Variants in CAMKMT observed in about 807,000 individuals in gnomAD.
CAMKMT encodes calmodulin-lysine N-methyltransferase, also known as CaM KMT.
A neutral mutation model predicts 48.0 loss-of-function variants in CAMKMT; 53 were observed. That is an observed-to-expected ratio of 1.10 (90% confidence interval 0.89 to 1.39). The LOEUF is 1.39. Among genes scored for constraint, CAMKMT ranks in the 40% most tolerant of loss-of-function variants. The pLI is 0.00. For missense variants in CAMKMT, 428 were observed against 402.7 expected, an observed-to-expected ratio of 1.06 and a Z score of -0.54; for synonymous variants, 165 against 152.3, an observed-to-expected ratio of 1.08 and a Z score of -0.61.
At chr2:44,471,728 A>G (rs1432702745) in intron 3 of CAMKMT, among the ~76,000 whole-genome samples, 1 of 152,006 alleles carries the variant, frequency 6.6e-6, no homozygotes, top group African/African-American at 2.4e-5. Flanking sequence ...GATGTAAAGT[A>G]TGGAGTCTCA....
chr2:44,508,524 C>T (rs1253268391), intron 3 of CAMKMT, among the ~76,000 whole-genome samples: 3 of 152,148 alleles, frequency 2.0e-5, no homozygotes, highest in African/African-American at 7.2e-5. Context: ...AGGTTGTGAA[C>T]ATCCTACAAG....
At chr2:44,474,339 C>T (rs573328857) in intron 3 of CAMKMT, among the ~76,000 whole-genome samples, 17 of 150,238 alleles carry the variant, frequency 1.1e-4, no homozygotes, top group African/African-American at 3.9e-4. Flanking sequence ...ACCAGCTACT[C>T]GGGAGGCTGA....
At chr2:44,692,645 C>T (rs996884107) in intron 3 of CAMKMT, among the ~76,000 whole-genome samples, 11 of 152,026 alleles carry the variant, frequency 7.2e-5, no homozygotes, top group African/African-American at 1.9e-4. Flanking sequence ...GTTTAAATAC[C>T]TTGCCCAAGA....
chr2:44,655,694 G>A (rs923039959), intron 3 of CAMKMT, among the ~76,000 whole-genome samples: 10 of 152,186 alleles, frequency 6.6e-5, no homozygotes, highest in South Asian at 2.1e-4. Flanking sequence ...AGTTTTGCAC[G>A]CGATAGGATG....
chr2:44,601,909 T>C (rs1041729186), intron 3 of CAMKMT, among the ~76,000 whole-genome samples: 2 of 152,110 alleles, frequency 1.3e-5, no homozygotes, highest in East Asian at 1.9e-4. Flanking sequence ...TGTCCTTTGA[T>C]TGTTTTTTCT....
At chr2:44,452,735 T>C (rs13400258) in intron 3 of CAMKMT, among the ~76,000 whole-genome samples, 4,339 of 152,098 alleles carry the variant, frequency 0.029, 200 homozygotes, top group African/African-American at 0.099. Flanking sequence ...GTAGCCTCTC[T>C]TTATTAATGA....
At chr2:44,501,744 A>T (rs934354706) in intron 3 of CAMKMT, among the ~76,000 whole-genome samples, 1 of 152,120 alleles carries the variant, frequency 6.6e-6, no homozygotes, top group African/African-American at 2.4e-5. Context: ...GGAGCTGGGC[A>T]TGGTGGCTCG....
At chr2:44,450,544 A>G (rs1297802192) in intron 3 of CAMKMT, among the ~76,000 whole-genome samples, 1 of 152,166 alleles carries the variant, frequency 6.6e-6, no homozygotes, top group African/African-American at 2.4e-5. Flanking sequence ...GATTAAGAGA[A>G]TCTTGTATAC....
At chr2:44,469,732 C>T (rs1159588583) in intron 3 of CAMKMT, among the ~76,000 whole-genome samples, 2 of 152,048 alleles carry the variant, frequency 1.3e-5, no homozygotes, top group Non-Finnish European at 2.9e-5. Context: ...CGCTTATCAT[C>T]ACCATGCATC....
chr2:44,634,000 C>G (rs1036785480), intron 3 of CAMKMT, among the ~76,000 whole-genome samples: 2 of 151,938 alleles, frequency 1.3e-5, no homozygotes, highest in Non-Finnish European at 2.9e-5. Context: ...TAGTTTAACC[C>G]TACTATTAAA....
At chr2:44,491,363 G>A (rs1417868674) in intron 3 of CAMKMT, among the ~76,000 whole-genome samples, 1 of 152,034 alleles carries the variant, frequency 6.6e-6, no homozygotes, top group Non-Finnish European at 1.5e-5. Flanking sequence ...ATTATCATAT[G>A]TGCCTAAAAT....
intron 3 of CAMKMT, among the ~76,000 whole-genome samples, chr2:44,468,322 A>G (rs1668236770): frequency 6.6e-6 from 1 of 152,230 alleles, no homozygotes; most frequent in Non-Finnish European, 1.5e-5. Context: ...CTCCAGGTAC[A>G]ATGGCTGTCA....
At chr2:44,555,624 C>A (rs748728074) in intron 3 of CAMKMT, among the ~76,000 whole-genome samples, 1 of 151,886 alleles carries the variant, frequency 6.6e-6, no homozygotes. Context: ...GGGTTGAAGC[C>A]GTGAGAGTGG....
intron 3 of CAMKMT, among the ~76,000 whole-genome samples, chr2:44,681,328 G>A (rs1327407702): frequency 6.6e-6 from 1 of 152,142 alleles, no homozygotes; most frequent in South Asian, 2.1e-4. Context: ...TTGTATGTGG[G>A]TTGTTCAGCT....
At chr2:44,473,909 C>G (rs1367277617) in intron 3 of CAMKMT, among the ~76,000 whole-genome samples, 1 of 152,172 alleles carries the variant, frequency 6.6e-6, no homozygotes, top group African/African-American at 2.4e-5. Context: ...AATCCGTAAA[C>G]TGGGACCAGT....
intron 3 of CAMKMT, among the ~76,000 whole-genome samples, chr2:44,633,208 G>C (rs1249398394): frequency 3.9e-5 from 6 of 152,084 alleles, no homozygotes; most frequent in Non-Finnish European, 7.3e-5. Context: ...TTATAAAAAA[G>C]AGAACTTTAT....
chr2:44,469,359 T>C (rs1337845449), intron 3 of CAMKMT, among the ~76,000 whole-genome samples: 1 of 151,964 alleles, frequency 6.6e-6, no homozygotes, highest in Non-Finnish European at 1.5e-5. Flanking sequence ...GATTTTTTTT[T>C]TGTTATAAAT....
At chr2:44,535,699 T>C (rs1259165502) in intron 3 of CAMKMT, among the ~76,000 whole-genome samples, 2 of 152,138 alleles carry the variant, frequency 1.3e-5, no homozygotes, top group African/African-American at 4.8e-5. Context: ...CCATTCATAA[T>C]AAAAACTCTC....
At chr2:44,610,150 G>C (rs1373612484) in intron 3 of CAMKMT, among the ~76,000 whole-genome samples, 1 of 152,144 alleles carries the variant, frequency 6.6e-6, no homozygotes, top group African/African-American at 2.4e-5. Flanking sequence ...TCATTGAGAA[G>C]AGATTTATTG....
Sources: gnomAD v4.1 joint callset for allele counts (sites outside exome capture counted in the v4.1 genomes callset) on GRCh38, gnomAD v4.1.1 for gene constraint, MANE v1.5 for transcripts, NCBI Gene and HGNC (gene_info 2026-07-23, HGNC 2026-07-21) for gene names.